MAML3: variants seen among roughly 807,000 people sequenced by gnomAD.
The protein encoded by MAML3 is mastermind-like protein 3.
MAML3 carries 27 observed loss-of-function variants against 101.9 expected under a neutral mutation model. The observed-to-expected ratio is 0.27, with a 90% confidence interval of 0.20 to 0.37. The LOEUF (loss-of-function observed/expected upper bound fraction) is 0.37, where lower values mean the gene tolerates loss of function less well. Among genes scored for constraint, MAML3 ranks in the 10% least tolerant of loss-of-function variants. The probability of loss-of-function intolerance (pLI) is 1.00; values close to 1 mark genes in which losing one functional copy is unlikely to be tolerated. For synonymous variants in MAML3, 501 were observed against 555.9 expected (o/e 0.90, Z 1.39); for missense variants, 1,316 against 1,444.9 (o/e 0.91, Z 1.45).
intron 2 of MAML3, among the ~76,000 whole-genome samples, chr4:139,832,094 CTTTTTTTTTTTTTTT>C (rs70943444): frequency 1.5e-5 from 1 of 64,680 alleles, no homozygotes; most frequent in Non-Finnish European, 3.3e-5. Flanking sequence ...TGCCCAGCCC[CTTTTTTTTTTTTTTT>C]TTTTTTTTTT....
At chr4:139,900,733 G>T (rs982187532) in intron 1 of MAML3, among the ~76,000 whole-genome samples, 1 of 152,188 alleles carries the variant, frequency 6.6e-6, no homozygotes, top group Non-Finnish European at 1.5e-5. Context: ...CAAATCTCAC[G>T]TAGTTTTCAG....
chr4:139,776,645 C>G (rs1393795363), intron 2 of MAML3, among the ~76,000 whole-genome samples: 2 of 152,144 alleles, frequency 1.3e-5, no homozygotes, highest in African/African-American at 2.4e-5. Context: ...CAGATACGCG[C>G]AAAATGGTGC....
At chr4:140,092,104 G>GTATATA (rs1416440469) in intron 1 of MAML3, among the ~76,000 whole-genome samples, 1 of 79,152 alleles carries the variant, frequency 1.3e-5, no homozygotes, top group African/African-American at 4.2e-5. Flanking sequence ...ATATATATAC[G>GTATATA]TATATATATA....
intron 1 of MAML3, among the ~76,000 whole-genome samples, chr4:140,020,994 T>C (rs971218904): frequency 1.3e-5 from 2 of 152,202 alleles, no homozygotes; most frequent in African/African-American, 2.4e-5. Context: ...ACATACTTCC[T>C]AGATGACATC....
At chr4:139,810,177 C>T (rs1377481054) in intron 2 of MAML3, among the ~76,000 whole-genome samples, 2 of 149,752 alleles carry the variant, frequency 1.3e-5, no homozygotes, top group Non-Finnish European at 3.0e-5. Context: ...ATATGTAAAC[C>T]AAAATTGATT....
At chr4:140,120,193 C>T (rs1013179895) in intron 1 of MAML3, among the ~76,000 whole-genome samples, 1 of 147,822 alleles carries the variant, frequency 6.8e-6, no homozygotes. Flanking sequence ...GCCAAGATCG[C>T]GCCACCGCAC....
intron 1 of MAML3, among the ~76,000 whole-genome samples, chr4:139,944,387 A>C (rs1247091863): frequency 1.3e-5 from 2 of 151,584 alleles, no homozygotes; most frequent in East Asian, 3.9e-4. Context: ...TGTCCATGTG[A>C]TCTCATTGTT....
In MAML3 at chr4:140,077,313, C is replaced by T. The variant is rs140517870; in HGVS notation, c.468+75547G>A. On this transcript the variant is annotated intron_variant, in intron 1 of 4. Transcript: ENST00000509479. Reference sequence around the variant, plus strand: ...ACAAAATCAATGTTTCTGATTCATACAAAACTTCCCCCATCAGTACTGCCA... The same window carrying T: ...ACAAAATCAATGTTTCTGATTCATATAAAACTTCCCCCATCAGTACTGCCA... Among the ~76,000 whole-genome samples the T allele has an allele frequency of 4.8e-3, 729 of 152,246 alleles. 2 individuals carry two copies. Among genetic ancestry groups the T allele is most frequent in the African/African-American group, 0.017 (697 of 41,536 alleles).
intron 2 of MAML3, among the ~76,000 whole-genome samples, chr4:139,845,569 A>T (rs1560811991): frequency 6.6e-6 from 1 of 152,230 alleles, no homozygotes; most frequent in Non-Finnish European, 1.5e-5. Context: ...AAATGACATC[A>T]GGAGTTAGAA....
At chr4:139,780,339 G>A (rs1010578106) in intron 2 of MAML3, among the ~76,000 whole-genome samples, 1 of 152,160 alleles carries the variant, frequency 6.6e-6, no homozygotes, top group Non-Finnish European at 1.5e-5. Flanking sequence ...AGAATTGGGT[G>A]TACTGAATTT....
At chr4:139,910,961 G>A (rs1404127987) in intron 1 of MAML3, among the ~76,000 whole-genome samples, 1 of 152,144 alleles carries the variant, frequency 6.6e-6, no homozygotes, top group Non-Finnish European at 1.5e-5. Context: ...CATTCACACT[G>A]TTGTACAACC....
intron 1 of MAML3, among the ~76,000 whole-genome samples, chr4:140,056,387 T>TG (rs1001405248): frequency 6.6e-6 from 1 of 151,608 alleles, no homozygotes; most frequent in African/African-American, 2.4e-5. Flanking sequence ...GACAGAGTCT[T>TG]GCTCTTGTCG....
chr4:139,924,631 CT>C (rs11289317), intron 1 of MAML3, among the ~76,000 whole-genome samples: 9,762 of 152,160 alleles, frequency 0.064, 996 homozygotes, highest in African/African-American at 0.21. Context: ...CTAAAGTGTA[CT>C]TTCATCATCT....
At chr4:139,988,319 T>C (rs1578630796) in intron 1 of MAML3, among the ~76,000 whole-genome samples, 4 of 94,578 alleles carry the variant, frequency 4.2e-5, no homozygotes, top group East Asian at 3.0e-4. Flanking sequence ...AGAGTGAGAC[T>C]CCGTCTCAAA....
At chr4:139,973,997 T>C (rs1734274667) in intron 1 of MAML3, among the ~76,000 whole-genome samples, 1 of 152,238 alleles carries the variant, frequency 6.6e-6, no homozygotes, top group South Asian at 2.1e-4. Context: ...ACATAGCTTT[T>C]TGCATTTAGA....
intron 1 of MAML3, among the ~76,000 whole-genome samples, chr4:140,046,886 G>A (rs1164008772): frequency 6.6e-6 from 1 of 152,170 alleles, no homozygotes; most frequent in Non-Finnish European, 1.5e-5. Context: ...CAATTTTGCA[G>A]AGAGGCTCGT....
intron 1 of MAML3, among the ~76,000 whole-genome samples, chr4:139,981,296 A>G (rs10049650): frequency 0.31 from 46,925 of 152,102 alleles, 8,136 homozygotes; most frequent in East Asian, 0.62. Context: ...CCCTACCCCA[A>G]TGGCCTCATT....
intron 1 of MAML3, among the ~76,000 whole-genome samples, chr4:140,109,216 AC>A (rs1486892362): frequency 6.6e-6 from 1 of 152,100 alleles, no homozygotes; most frequent in Non-Finnish European, 1.5e-5. Context: ...ACAAAAAGGA[AC>A]CCCTCCACAG....
At position 139,745,420 on chromosome 4, in the gene MAML3, G is replaced by C. The variant is rs539767041; in HGVS notation, c.2080-14753C>G. Among the ~76,000 whole-genome samples the C allele has an allele frequency of 7.2e-5, 11 of 152,320 alleles. No homozygotes were observed. The South Asian group carries it at 2.3e-3, about 32-fold the overall frequency. The stretch of plus-strand genomic sequence containing the variant: ...GATCTGGAGAAAAGTGGGCAGGAAG[G>C]GTTGGGAGGTAGCCATGGGGGTAAT... On this transcript the variant is annotated intron_variant, in intron 2 of 4. Coordinates refer to ENST00000509479, the MANE Select transcript of MAML3 (RefSeq NM_018717.5).
Sources: gnomAD v4.1 joint callset for allele counts (sites outside exome capture counted in the v4.1 genomes callset) on GRCh38, gnomAD v4.1.1 for gene constraint, MANE v1.5 for transcripts, NCBI Gene and HGNC (gene_info 2026-07-23, HGNC 2026-07-21) for gene names.